Variants in STAG1 observed in about 807,000 individuals in gnomAD.
STAG1 encodes cohesin subunit SA-1.
In STAG1, 26 loss-of-function variants were observed where a neutral mutation model predicts 170.9. That is an observed-to-expected ratio of 0.15 (90% CI 0.11 to 0.21). The LOEUF (loss-of-function observed/expected upper bound fraction) is 0.21, where lower values mean the gene tolerates loss of function less well. STAG1 is among the 10% of genes least tolerant of loss of function. The pLI is 1.00. For synonymous variants in STAG1, 514 were observed against 497.7 expected (o/e 1.03, Z -0.44); for missense variants, 964 against 1,509.5 (o/e 0.64, Z 5.99).
chr3:136,485,314 G>T (rs1223836773), intron 9 of STAG1, among the ~76,000 whole-genome samples: 1 of 152,036 alleles, frequency 6.6e-6, no homozygotes, highest in Non-Finnish European at 1.5e-5. Context: ...AAAATTAGCT[G>T]GGCGTGGTGG....
At chr3:136,533,462 G>T (rs1409217040) in intron 6 of STAG1, among the ~76,000 whole-genome samples, 1 of 152,076 alleles carries the variant, frequency 6.6e-6, no homozygotes, top group Non-Finnish European at 1.5e-5. Flanking sequence ...TCAGGTTCTG[G>T]AAGCTGTATA....
rs1345536478 is a variant in STAG1 at position 136,521,439 on chromosome 3, T to C, written c.472-22A>G. Reference sequence around the variant, plus strand: ...TGTCCTAAAAAACAGAAAAAGAACATATTAAGTATGTCACATTACAGAGTT... The same window carrying C: ...TGTCCTAAAAAACAGAAAAAGAACACATTAAGTATGTCACATTACAGAGTT... On this transcript the variant is annotated intron_variant, in intron 6 of 33. Transcript: ENST00000383202. 1.9e-6 allele frequency: 3 copies of C among 1,603,476 alleles called. No homozygotes were observed. In the Admixed American group the frequency reaches 5.0e-5, roughly 27 times the overall value.
In STAG1 at chr3:136,452,172, C is replaced by A; in HGVS notation, c.1314-25G>T. The A allele has an allele frequency of 2.8e-6, 4 of 1,449,352 alleles. No homozygotes were observed. In the South Asian group the frequency reaches 4.7e-5, roughly 17 times the overall value. The allele number at this position is 1,449,352 out of a possible 1,614,324, so 89.8% of individuals were successfully genotyped here. A position where few individuals can be genotyped will look rare whatever the true frequency, so the allele number is the denominator to read the frequency against. ...CCTGGAAATGAAAAACAGGGCATTGCAAAGTTACATGAATATGAACTTTAG... is the reference window on the plus strand; with the variant it reads ...CCTGGAAATGAAAAACAGGGCATTGAAAAGTTACATGAATATGAACTTTAG... On this transcript the variant is annotated intron_variant, in intron 13 of 33. Transcript: ENST00000383202.
chr3:136,398,459 C>A (rs1008911992), intron 22 of STAG1, among the ~76,000 whole-genome samples: 1 of 151,958 alleles, frequency 6.6e-6, no homozygotes, highest in Non-Finnish European at 1.5e-5. Flanking sequence ...TATCAGAGCT[C>A]TTGTGTCTAC....
intron 7 of STAG1, among the ~76,000 whole-genome samples, chr3:136,512,801 G>C (rs115467052): frequency 3.3e-5 from 5 of 151,596 alleles, no homozygotes; most frequent in African/African-American, 1.2e-4. Flanking sequence ...CTGGAAGCCA[G>C]AGTCAATGTC....
intron 2 of STAG1, among the ~76,000 whole-genome samples, chr3:136,623,726 C>T (rs1939966107): frequency 1.3e-5 from 2 of 151,946 alleles, no homozygotes; most frequent in East Asian, 3.9e-4. Flanking sequence ...GAGGGTGAGG[C>T]AGGCGGATCA....
chr3:136,718,503 C>A (rs1576805595), intron 1 of STAG1, among the ~76,000 whole-genome samples: 1 of 152,106 alleles, frequency 6.6e-6, no homozygotes, highest in East Asian at 1.9e-4. Context: ...ATGTGACATA[C>A]TTGTATTTTA....
At chr3:136,363,167 A>T (rs574280502) in intron 26 of STAG1, among the ~76,000 whole-genome samples, 199 bp downstream of exon 26, 29 of 152,312 alleles carry the variant, frequency 1.9e-4, no homozygotes, top group Non-Finnish European at 4.0e-4. Context: ...TATTTGAAAT[A>T]TGAACTCTAG....
intron 11 of STAG1, 99 bp from the exon 12 acceptor site, chr3:136,472,591 G>A (rs2107812833): frequency 2.7e-6 from 2 of 742,426 alleles, no homozygotes; most frequent in East Asian, 5.2e-5. Context: ...CAATACTAAT[G>A]ATAGGTTAAA....
chr3:136,476,747 C>A (rs545011050), intron 10 of STAG1, among the ~76,000 whole-genome samples: 77 of 152,216 alleles, frequency 5.1e-4, no homozygotes, highest in Non-Finnish European at 3.5e-4. Flanking sequence ...AAATGCCACA[C>A]CTGGCCAAAT....
At chr3:136,600,969 C>T (rs909849077) in intron 4 of STAG1, among the ~76,000 whole-genome samples, 16 of 152,060 alleles carry the variant, frequency 1.1e-4, no homozygotes, top group African/African-American at 1.7e-4. Context: ...TGGCTCACTG[C>T]GACCTCCGCC....
intron 4 of STAG1, among the ~76,000 whole-genome samples, chr3:136,597,920 G>C (rs1051826558): frequency 1.3e-5 from 2 of 151,980 alleles, no homozygotes; most frequent in African/African-American, 4.8e-5. Flanking sequence ...AGGTTTGGGG[G>C]AGATAACCTT....
chr3:136,729,581 T>A (rs890899559), intron 1 of STAG1, among the ~76,000 whole-genome samples: 1 of 145,340 alleles, frequency 6.9e-6, no homozygotes, highest in African/African-American at 2.5e-5. Context: ...TTTTTTTTTT[T>A]TTTTTTTTTT....
At chr3:136,632,430 A>C (rs1940367020) in intron 1 of STAG1, among the ~76,000 whole-genome samples, 1 of 152,200 alleles carries the variant, frequency 6.6e-6, no homozygotes, top group Non-Finnish European at 1.5e-5. Flanking sequence ...TGAGGACAGC[A>C]GATCAAACTC....
intron 20 of STAG1, among the ~76,000 whole-genome samples, chr3:136,419,651 T>A (rs141682148): frequency 0.017 from 2,472 of 146,280 alleles, 76 homozygotes; most frequent in African/African-American, 0.059. Context: ...TTAGCAGAGA[T>A]GGGGTTTTGC....
intron 4 of STAG1, among the ~76,000 whole-genome samples, chr3:136,589,578 A>T (rs541688384): frequency 6.8e-6 from 1 of 147,192 alleles, no homozygotes; most frequent in East Asian, 2.1e-4. Flanking sequence ...CGGAGGTTGC[A>T]GTGAGCCAAG....
intron 9 of STAG1, among the ~76,000 whole-genome samples, chr3:136,479,078 ATTT>A (rs1249805254): frequency 7.9e-6 from 1 of 126,984 alleles, no homozygotes; most frequent in Non-Finnish European, 1.7e-5. Context: ...TTTTTTTTTA[ATTT>A]TTTTTTTTAT....
chr3:136,459,235 A>AG (rs1182314191), intron 13 of STAG1, among the ~76,000 whole-genome samples: 2 of 150,586 alleles, frequency 1.3e-5, no homozygotes, highest in African/African-American at 4.9e-5. Flanking sequence ...AAAAAAAAAA[A>AG]AGAAAAGAAA....
intron 1 of STAG1, among the ~76,000 whole-genome samples, chr3:136,728,200 A>C (rs1222267092): frequency 6.6e-6 from 1 of 152,154 alleles, no homozygotes; most frequent in African/African-American, 2.4e-5. Context: ...ACTGAATACA[A>C]GTTTACTTAC....
Sources: allele counts gnomAD v4.1 joint callset (sites outside exome capture counted in the v4.1 genomes callset), GRCh38; gene constraint gnomAD v4.1.1; transcripts MANE v1.5; gene names NCBI Gene and HGNC (gene_info 2026-07-23, HGNC 2026-07-21).